Variants in CLN8 observed in about 807,000 individuals in gnomAD.
CLN8 encodes the protein CLN8 transmembrane ER and ERGIC protein.
In CLN8, 14 loss-of-function variants were observed where a neutral mutation model predicts 15.7. The observed-to-expected ratio is 0.89, with a 90% CI of 0.59 to 1.39. CLN8 has a LOEUF of 1.39. Ranked by LOEUF, CLN8 falls within the 40% of genes most tolerant of loss-of-function variation. The probability of loss-of-function intolerance (pLI) is 0.00; values close to 1 mark genes in which losing one functional copy is unlikely to be tolerated. For missense variants in CLN8, 415 were observed against 364.0 expected (o/e 1.14, Z -1.14); for synonymous variants, 188 against 151.0 (o/e 1.25, Z -1.80).
At chr8:1,778,758 G>A (rs1449934218) in intron 2 of CLN8, among the ~76,000 whole-genome samples, 1 of 152,220 alleles carries the variant, frequency 6.6e-6, no homozygotes, top group African/African-American at 2.4e-5. Flanking sequence ...TATGAGGCAG[G>A]CTGGGTTACT....
At position 1,781,421 on chromosome 8, in the gene CLN8, G is replaced by GGTA. The variant is rs1342395069; in HGVS notation, c.*855_*856insTAG. ...GAAGTGTACGGCAGTGCCATCTGGT[G>GGTA]GCAAGTGGTACAAAGACAACGCTGA... On this transcript the variant is annotated 3_prime_UTR_variant, in exon 3 of 3. Coordinates refer to ENST00000331222, the MANE Select transcript of CLN8 (RefSeq NM_018941.4). The GGTA allele has an allele frequency of 2.7e-5, 4 of 148,616 alleles. No individual in the cohort carries two copies. Among genetic ancestry groups the GGTA allele is most frequent in the Admixed American group, 2.7e-4 (4 of 14,918 alleles). The allele number at this position is 148,616 out of a possible 1,614,324, so 9.2% of individuals were successfully genotyped here.
intron 1 of CLN8, among the ~76,000 whole-genome samples, chr8:1,770,342 T>C (rs937506841): frequency 7.2e-5 from 11 of 152,162 alleles, no homozygotes; most frequent in Non-Finnish European, 1.5e-4. Context: ...TGGAGTGAGA[T>C]GCAGGGGATG....
rs998436783 is a variant in CLN8 at position 1,783,657 on chromosome 8, G to C, written c.*3090G>C. 6.6e-6 allele frequency: 1 copy of C among 152,150 alleles called. No individual in the cohort carries two copies. Among genetic ancestry groups the C allele is most frequent in the Non-Finnish European group, 1.5e-5 (1 of 68,064 alleles). The allele number at this position is 152,150 out of a possible 1,614,324, so 9.4% of individuals were successfully genotyped here. On this transcript the variant is annotated 3_prime_UTR_variant, in exon 3 of 3. Transcript: ENST00000331222. ...AGGCTTCTGCCCTTCTCGGTGTCCA[G>C]GCTCCTTGGGTGATGCTGGAGTTGT...
At chr8:1,765,773 GA>G (rs1486451947) in intron 1 of CLN8, among the ~76,000 whole-genome samples, 7 of 152,184 alleles carry the variant, frequency 4.6e-5, no homozygotes, top group African/African-American at 1.7e-4. Context: ...TTTTCTTCTT[GA>G]TGGAAAGGAG....
intron 2 of CLN8, among the ~76,000 whole-genome samples, chr8:1,778,976 C>T (rs963415093): frequency 2.6e-5 from 4 of 152,230 alleles, no homozygotes; most frequent in South Asian, 2.1e-4. Flanking sequence ...TTGGATCAGC[C>T]TACGTTTGAG....
chr8:1,767,167 C>G (rs575737876), intron 1 of CLN8, among the ~76,000 whole-genome samples: 1 of 152,334 alleles, frequency 6.6e-6, no homozygotes, highest in South Asian at 2.1e-4. Context: ...ATTAACTAAA[C>G]TCAGAGACCC....
intron 2 of CLN8, chr8:1,773,048 G>A (rs1416675733): frequency 1.0e-5 from 4 of 397,940 alleles, no homozygotes; most frequent in East Asian, 7.1e-5. Flanking sequence ...GACTGTTCAT[G>A]CATAACCACC....
At chr8:1,775,100 A>G (rs543944504) in intron 2 of CLN8, among the ~76,000 whole-genome samples, 8 of 152,322 alleles carry the variant, frequency 5.3e-5, no homozygotes, top group Admixed American at 2.6e-4. Context: ...GATTCAACCA[A>G]CTGTGGATCA....
chr8:1,773,187 A>G (rs1352412646), intron 2 of CLN8, among the ~76,000 whole-genome samples: 4 of 152,106 alleles, frequency 2.6e-5, no homozygotes, highest in African/African-American at 9.7e-5. Context: ...AGTGACAGGA[A>G]AGTGCAGAGA....
At chr8:1,767,557 GTTTCTTTCTT>G (rs1801114485) in intron 1 of CLN8, among the ~76,000 whole-genome samples, 1 of 107,120 alleles carries the variant, frequency 9.3e-6, no homozygotes, top group South Asian at 3.4e-4. Flanking sequence ...TGCTCTGTAT[GTTTCTTTCTT>G]TTTTTTTTTT....
intron 1 of CLN8, among the ~76,000 whole-genome samples, chr8:1,768,889 T>G (rs779572296): frequency 6.6e-6 from 1 of 152,200 alleles, no homozygotes; most frequent in Non-Finnish European, 1.5e-5. Flanking sequence ...GATGTGTAAG[T>G]ACACTGGAGT....
Position 1,780,610 on chromosome 8 carries a change from C to T in CLN8, c.*43C>T. ...CCGGGGCGGCAGCAGAGCTGGCACA[C>T]CGATTCTGGGAAGCCCCGCGAATGA... On this transcript the variant is annotated 3_prime_UTR_variant, in exon 3 of 3. Transcript: ENST00000331222. 6.3e-7 allele frequency: 1 copy of T among 1,592,312 alleles called. No individual in the cohort carries two copies. Among genetic ancestry groups the T allele is most frequent in the Non-Finnish European group, 8.6e-7 (1 of 1,162,650 alleles).
At chr8:1,763,038 A>T (rs952021491), upstream of CLN8, 1 of 152,224 alleles carries the variant, frequency 6.6e-6, no homozygotes, top group South Asian at 2.1e-4. Context: ...CAAACTGCGG[A>T]AACTCCTACA....
At chr8:1,772,877 G>C in intron 2 of CLN8, 1 of 398,460 alleles carries the variant, frequency 2.5e-6, no homozygotes, top group Non-Finnish European at 4.4e-6. Context: ...CAAATGTTCA[G>C]CCATTCACAC....
At chr8:1,772,280 C>G (rs1801343761) in intron 2 of CLN8, among the ~76,000 whole-genome samples, 1 of 152,080 alleles carries the variant, frequency 6.6e-6, no homozygotes, top group African/African-American at 2.4e-5. Flanking sequence ...TGTGCGTACA[C>G]ACATACCTTG....
intron 2 of CLN8, among the ~76,000 whole-genome samples, chr8:1,776,067 C>G (rs1766171381): frequency 6.6e-6 from 1 of 151,460 alleles, no homozygotes; most frequent in Non-Finnish European, 1.5e-5. Context: ...GTGAGGGGCA[C>G]ACGTGGGTGG....
chr8:1,779,564 G>A (rs911094559), intron 2 of CLN8, among the ~76,000 whole-genome samples: 3 of 152,174 alleles, frequency 2.0e-5, no homozygotes, highest in East Asian at 1.9e-4. Context: ...ATATTTTGCC[G>A]GGGAGGTATA....
upstream of CLN8, chr8:1,762,626 A>G (rs1168395140): frequency 6.6e-6 from 1 of 152,246 alleles, no homozygotes; most frequent in Non-Finnish European, 1.5e-5. Flanking sequence ...CACATGTACT[A>G]AAGGGTTATA....
chr8:1,782,889 C>T lies in CLN8; in HGVS notation c.*2322C>T, dbSNP rs1397609970. ...GACCTTCCCAGGGGTCCACACTTTACCTCCTGTATCTTCATACGCGTGTGT... is the reference window on the plus strand; with the variant it reads ...GACCTTCCCAGGGGTCCACACTTTATCTCCTGTATCTTCATACGCGTGTGT... On this transcript the variant is annotated 3_prime_UTR_variant, in exon 3 of 3. Transcript: ENST00000331222. 1 of 152,230 alleles carries T rather than the reference C, an allele frequency of 6.6e-6. No homozygotes were observed. Among genetic ancestry groups the T allele is most frequent in the South Asian group, 2.1e-4 (1 of 4,824 alleles). 9.4% of individuals were successfully genotyped at this position (152,230 alleles called of 1,614,324 possible).
Sources: gnomAD v4.1 joint callset for allele counts (sites outside exome capture counted in the v4.1 genomes callset) on GRCh38, gnomAD v4.1.1 for gene constraint, MANE v1.5 for transcripts, NCBI Gene and HGNC (gene_info 2026-07-23, HGNC 2026-07-21) for gene names.